OR7A17: variants seen among roughly 807,000 people sequenced by gnomAD.
OR7A17 encodes olfactory receptor 7A17.
For synonymous variants in OR7A17, 159 were observed against 142.1 expected (o/e 1.12, Z -0.85); for missense variants, 366 against 365.5 (o/e 1.00, Z -0.01).
At chr19:14,882,839 C>T (rs2045119087) in intron 1 of OR7A17, among the ~76,000 whole-genome samples, 1 of 152,204 alleles carries the variant, frequency 6.6e-6, no homozygotes. Flanking sequence ...CCTACATGCA[C>T]GCAGCACACT....
chr19:14,883,372 G>A (rs1217465338), intron 1 of OR7A17, among the ~76,000 whole-genome samples: 2 of 151,996 alleles, frequency 1.3e-5, no homozygotes, highest in Non-Finnish European at 2.9e-5. Context: ...CCTGGGAGGC[G>A]GAGGTTGCAG....
Position 14,878,751 on chromosome 19 carries a change from C to T in OR7A17, c.*1675G>A, listed in dbSNP as rs2045091455. On this transcript the variant is annotated 3_prime_UTR_variant, in exon 3 of 3. Transcript: ENST00000641113. ...AGTGCAGTGGTGTGATCTCAGCTCA[C>T]TGCAACCTCCACCTCCCAGGTTCAA... 6.6e-6 allele frequency: 1 copy of T among 152,156 alleles called. No individual in the cohort carries two copies. The highest frequency in any genetic ancestry group is 1.5e-5 in the Non-Finnish European group (1 of 68,050). The allele number at this position is 152,156 out of a possible 1,614,324, so 9.4% of individuals were successfully genotyped here.
chr19:14,881,087 C>T lies in OR7A17; in HGVS notation c.269G>A (p.Arg90Lys), dbSNP rs1311633159. 1.2e-6 allele frequency: 2 copies of T among 1,614,074 alleles called. No homozygotes were observed. The highest frequency in any genetic ancestry group is 2.7e-5 in the African/African-American group (2 of 74,914). ...GATGCAGCCTGCATAGGTGATGACTCTGCTCTGTGTCTGGATGTTAATGAG... is the reference window on the plus strand; with the variant it reads ...GATGCAGCCTGCATAGGTGATGACTTTGCTCTGTGTCTGGATGTTAATGAG... Reference protein sequence around the residue: ...KMLINIQTQSRVITYAGCITQ... With the variant: ...KMLINIQTQSKVITYAGCITQ... Residue 90 changes from arginine to lysine, a missense_variant, in exon 3 of 3, where the codon AGA (arginine) becomes AAA (lysine). Coordinates refer to ENST00000641113, the MANE Select transcript of OR7A17 (RefSeq NM_030901.2).
At chr19:14,882,535 G>T (rs1396241205) in intron 1 of OR7A17, among the ~76,000 whole-genome samples, 2 of 152,246 alleles carry the variant, frequency 1.3e-5, no homozygotes, top group Admixed American at 6.5e-5. Flanking sequence ...CAGGAAGAGA[G>T]TGATGAGAGA....
rs2045101869 is a variant in OR7A17 at position 14,880,506 on chromosome 19, TG to T, written c.849del (p.Met284CysfsTer2). ...TASVMYTVAT[P>X]MLNPFIYSLR... ...AGACTGTAGATAAAGGGGTTCAGCATGGGGGTGGCCACAGTGTACATCACTG... is the reference window on the plus strand; with the variant it reads ...AGACTGTAGATAAAGGGGTTCAGCATGGGGTGGCCACAGTGTACATCACTG... On this transcript the variant is annotated frameshift_variant, in exon 3 of 3. Coordinates refer to ENST00000641113, the MANE Select transcript of OR7A17 (RefSeq NM_030901.2). LOFTEE classifies it low-confidence loss of function (END_TRUNC). The T allele has an allele frequency of 6.2e-7, 1 of 1,613,958 alleles. No individual in the cohort carries two copies. The highest frequency in any genetic ancestry group is 1.3e-5 in the African/African-American group (1 of 74,896).
At position 14,886,057 on chromosome 19, in the gene OR7A17, A is replaced by T. The variant is rs2045134485; in HGVS notation, c.-411T>A. On this transcript the variant is annotated 5_prime_UTR_variant, in exon 1 of 3. An upstream start codon of the reference 5' UTR is lost. Coordinates refer to ENST00000641113, the MANE Select transcript of OR7A17 (RefSeq NM_030901.2). Reference sequence around the variant, plus strand: ...ACAAGGCATCAGGAAAAGTTGAAGCATCATCTATACTTGAGCCAGACTAAG... The same window carrying T: ...ACAAGGCATCAGGAAAAGTTGAAGCTTCATCTATACTTGAGCCAGACTAAG... The T allele has an allele frequency of 6.6e-6, 1 of 152,220 alleles. No individual in the cohort carries two copies. The highest frequency in any genetic ancestry group is 1.5e-5 in the Non-Finnish European group (1 of 68,044). 9.4% of individuals were successfully genotyped at this position (152,220 alleles called of 1,614,324 possible).
At chr19:14,884,475 T>C (rs567742388) in intron 1 of OR7A17, among the ~76,000 whole-genome samples, 34 of 152,158 alleles carry the variant, frequency 2.2e-4, no homozygotes, top group African/African-American at 8.2e-4. Flanking sequence ...CAAACTCCCA[T>C]CAGAGAATAC....
In OR7A17 at chr19:14,880,435, T is replaced by G; in HGVS notation, c.921A>C (p.Gly307=). The G allele has an allele frequency of 6.3e-7, 1 of 1,583,556 alleles. No homozygotes were observed. The change falls in exon 3 of 3, where the codon GGA becomes GGC. Residue 307 remains glycine, a synonymous_variant. Coordinates refer to ENST00000641113, the MANE Select transcript of OR7A17 (RefSeq NM_030901.2). ...TTGAAAAATGGCCCTTTTATTGCTTTCCTCTGAAGGACATTTTCAGAGCCC... is the reference window on the plus strand; with the variant it reads ...TTGAAAAATGGCCCTTTTATTGCTTGCCTCTGAAGGACATTTTCAGAGCCC... ...IKRALKMSFR[G]KQ is the part of the protein sequence containing the mutation.
rs2045099340 is a variant in OR7A17, at chr19:14,880,192, G to C, written c.*234C>G. 1 of 263,792 alleles carries C rather than the reference G, an allele frequency of 3.8e-6. No homozygotes were observed. Among genetic ancestry groups the C allele is most frequent in the Admixed American group, 6.0e-5 (1 of 16,572 alleles). 16.3% of individuals were successfully genotyped at this position (263,792 alleles called of 1,614,324 possible). A position where few individuals can be genotyped will look rare whatever the true frequency, so the allele number is the denominator to read the frequency against. ...TGACCCTAGTTTGGGAAAAACATTG[G>C]GAAAGTAGGAAAATGACAAAAAAAA... is the stretch of plus-strand genomic sequence containing the variant. On this transcript the variant is annotated 3_prime_UTR_variant, in exon 3 of 3. Coordinates refer to ENST00000641113, the MANE Select transcript of OR7A17 (RefSeq NM_030901.2).
At position 14,880,659 on chromosome 19, in the gene OR7A17, C is replaced by T. The variant is rs1477523224; in HGVS notation, c.697G>A (p.Gly233Arg). 6.2e-7 allele frequency: 1 copy of T among 1,613,990 alleles called. No individual in the cohort carries two copies. The highest frequency in any genetic ancestry group is 1.7e-5 in the Admixed American group (1 of 59,978). Residue 233 changes from glycine to arginine, a missense_variant, in exon 3 of 3, where the codon GGG becomes AGG. By Grantham distance (125) the Gly-to-Arg change is moderately radical. Transcript: ENST00000641113. ...CAGGTGGAAAATGCCTTGTACTTCCCCTGAGCTGATGAGATTGCACGTATG... is the reference window on the plus strand; with the variant it reads ...CAGGTGGAAAATGCCTTGTACTTCCTCTGAGCTGATGAGATTGCACGTATG... ...SSIRAISSAQ[G>R]KYKAFSTCAS...
In OR7A17 at chr19:14,881,283, G is replaced by C. The variant is rs777475295; in HGVS notation, c.73C>G (p.Pro25Ala). The change falls in exon 3 of 3, where the codon CCC becomes GCC. Residue 25 changes from proline to alanine, a missense_variant. By Grantham distance (27) the Pro-to-Ala change is conservative (BLOSUM62 -1). Coordinates refer to ENST00000641113, the MANE Select transcript of OR7A17 (RefSeq NM_030901.2). Reference protein sequence around the residue: ...LGLSEEPELQPFLFGLFLSMY... With the variant: ...LGLSEEPELQAFLFGLFLSMY... The stretch of plus-strand genomic sequence containing the variant: ...GACAGAAACAGCCCAAAGAGGAAGG[G>C]CTGCAATTCTGGTTCCTCAGAAAGT... The C allele has an allele frequency of 2.0e-5, 32 of 1,610,586 alleles. No homozygotes were observed. The Admixed American group carries it at 3.8e-4, about 19-fold the overall frequency.
rs758926865 is a variant in OR7A17 at position 14,878,405 on chromosome 19, TAA to T, written c.*2019_*2020del. 18 of 152,232 alleles carry T rather than the reference TAA, an allele frequency of 1.2e-4. No homozygotes were observed. The highest frequency in any genetic ancestry group is 2.4e-4 in the Non-Finnish European group (16 of 68,044). The allele number at this position is 152,232 out of a possible 1,614,324, so 9.4% of individuals were successfully genotyped here. On this transcript the variant is annotated 3_prime_UTR_variant, in exon 3 of 3. Coordinates refer to ENST00000641113, the MANE Select transcript of OR7A17 (RefSeq NM_030901.2). ...ATAAAAGAGACAAATGAACTGATGA[TAA>T]GTTAAATACACACATTGTTCACTTA...
chr19:14,881,218 G>A lies in OR7A17; in HGVS notation c.138C>T (p.Ile46=). 1 of 1,613,984 alleles carries A rather than the reference G, an allele frequency of 6.2e-7. No homozygotes were observed. Among genetic ancestry groups the A allele is most frequent in the Non-Finnish European group, 8.5e-7 (1 of 1,179,984 alleles). Residue 46 remains isoleucine, a synonymous_variant, in exon 3 of 3, where the codon ATC becomes ATT. Transcript: ENST00000641113. ...LVTVLGNLLI[I]LATISDSHLH... is the part of the protein sequence containing the mutation. ...GGTGGGAGTCTGAGATTGTGGCCAG[G>A]ATGATGAGCAGATTCCCGAGCACAG...
chr19:14,880,487 T>C lies in OR7A17; in HGVS notation c.869A>G (p.Tyr290Cys), dbSNP rs1419907783. 2 of 1,613,986 alleles carry C rather than the reference T, an allele frequency of 1.2e-6. No individual in the cohort carries two copies. Among genetic ancestry groups the C allele is most frequent in the South Asian group, 1.1e-5 (1 of 91,050 alleles). The change falls in exon 3 of 3, where the codon TAC becomes TGC. Residue 290 changes from tyrosine to cysteine, a missense_variant. Transcript: ENST00000641113. Reference sequence around the variant, plus strand: ...CTTTATGTCTTTATTCCTCAGACTGTAGATAAAGGGGTTCAGCATGGGGGT... The same window carrying C: ...CTTTATGTCTTTATTCCTCAGACTGCAGATAAAGGGGTTCAGCATGGGGGT... ...VATPMLNPFI[Y>C]SLRNKDIKRA...
rs762804062 is a variant in OR7A17 at position 14,880,502 on chromosome 19, A to G, written c.854T>C (p.Leu285Pro). The G allele has an allele frequency of 6.2e-7, 1 of 1,614,142 alleles. No homozygotes were observed. The highest frequency in any genetic ancestry group is 1.3e-5 in the African/African-American group (1 of 75,050). ...CCTCAGACTGTAGATAAAGGGGTTC[A>G]GCATGGGGGTGGCCACAGTGTACAT... ...SVMYTVATPM[L>P]NPFIYSLRNK... Residue 285 changes from leucine (L) to proline (P), a missense_variant, in exon 3 of 3, where the codon CTG becomes CCG. Physicochemically the swap from Leu to Pro is moderately conservative, Grantham distance 98. Transcript: ENST00000641113.
chr19:14,885,137 A>G (rs982021288), intron 1 of OR7A17, among the ~76,000 whole-genome samples: 2 of 152,236 alleles, frequency 1.3e-5, no homozygotes, highest in Non-Finnish European at 2.9e-5. Context: ...CAAAATAATC[A>G]GAGCTATTTA....
At position 14,880,707 on chromosome 19, in the gene OR7A17, A is replaced by G. The variant is rs1242617179; in HGVS notation, c.649T>C (p.Ser217Pro). Reference protein sequence around the residue: ...AGGPLVGILCSYSKIVSSIRA... With the variant: ...AGGPLVGILCPYSKIVSSIRA... Reference sequence around the variant, plus strand: ...ATGGAGGAAACTATCTTAGAGTAAGAGCAAAGGATCCCCACAAGGGGACCA... The same window carrying G: ...ATGGAGGAAACTATCTTAGAGTAAGGGCAAAGGATCCCCACAAGGGGACCA... The change falls in exon 3 of 3, where the codon TCT becomes CCT. Residue 217 changes from serine to proline, a missense_variant. Physicochemically the swap from Ser to Pro is moderately conservative, Grantham distance 74 (BLOSUM62 -1). Transcript: ENST00000641113. 6 of 1,614,218 alleles carry G rather than the reference A, an allele frequency of 3.7e-6. No individual in the cohort carries two copies. In the East Asian group the frequency reaches 1.1e-4, roughly 30 times the overall value.
Position 14,881,010 on chromosome 19 carries a change from C to T in OR7A17, c.346G>A (p.Ala116Thr), listed in dbSNP as rs748434797. The T allele has an allele frequency of 1.2e-6, 2 of 1,614,006 alleles. No homozygotes were observed. Among genetic ancestry groups the T allele is most frequent in the African/African-American group, 1.3e-5 (1 of 74,896 alleles). Reference sequence around the variant, plus strand: ...ACAAACCGATCATAGGCCATCACAGCCAGGAGTAAGCTGTCTAACCCTCCA... The same window carrying T: ...ACAAACCGATCATAGGCCATCACAGTCAGGAGTAAGCTGTCTAACCCTCCA... ...LFGGLDSLLL[A>T]VMAYDRFVAI... The change falls in exon 3 of 3, where the codon GCT becomes ACT. Residue 116 changes from alanine (A) to threonine (T), a missense_variant. Physicochemically the swap from Ala to Thr is moderately conservative, Grantham distance 58. Transcript: ENST00000641113.
intron 2 of OR7A17, 69 bp downstream of exon 2, chr19:14,881,705 T>A (rs1489106207): frequency 1.3e-5 from 2 of 154,010 alleles, no homozygotes; most frequent in African/African-American, 4.8e-5. Flanking sequence ...TTATCATGTA[T>A]AACATCACAT....
Sources: gnomAD v4.1 joint callset for allele counts (sites outside exome capture counted in the v4.1 genomes callset) on GRCh38, gnomAD v4.1.1 for gene constraint, MANE v1.5 for transcripts, NCBI Gene and HGNC (gene_info 2026-07-23, HGNC 2026-07-21) for gene names.